Variants in COL26A1 observed in about 807,000 individuals in gnomAD.
COL26A1 encodes the protein collagen alpha-1(XXVI) chain.
In COL26A1, 41 loss-of-function variants were observed where a neutral mutation model predicts 59.3. That is an observed-to-expected ratio of 0.69 (90% CI 0.54 to 0.90). The LOEUF is 0.90. Among genes scored for constraint, COL26A1 ranks in the 40% least tolerant of loss-of-function variants. The pLI is 0.00. For missense variants in COL26A1, 612 were observed against 602.3 expected (o/e 1.02, Z -0.17); for synonymous variants, 266 against 256.0 (o/e 1.04, Z -0.37).
At chr7:101,539,284 GTGTGTGTGTA>G (rs1482680731) in intron 4 of COL26A1, among the ~76,000 whole-genome samples, 3 of 137,804 alleles carry the variant, frequency 2.2e-5, no homozygotes, top group Non-Finnish European at 4.6e-5. Flanking sequence ...CTGTCTGTGT[GTGTGTGTGTA>G]TGTGTGTGTG....
chr7:101,534,607 A>G (rs956774254), intron 4 of COL26A1, among the ~76,000 whole-genome samples: 8 of 150,336 alleles, frequency 5.3e-5, no homozygotes, highest in African/African-American at 7.6e-5. Context: ...ACTCAGGCAT[A>G]CATACACACA....
chr7:101,380,133 A>G (rs181965619), intron 1 of COL26A1, among the ~76,000 whole-genome samples: 124 of 152,094 alleles, frequency 8.2e-4, no homozygotes, highest in Non-Finnish European at 1.5e-3. Flanking sequence ...CTGGCACTAC[A>G]GGTGCCTGCC....
Position 101,412,435 on chromosome 7 carries a change from A to C in COL26A1, c.159-7542A>C, listed in dbSNP as rs143368276. On this transcript the variant is annotated intron_variant, in intron 1 of 12. Transcript: ENST00000313669. ...CCAGGCGGGCAGATCATTTGAGGTC[A>C]GGAGTTTGACACCAGCCTGATTAAT... Among the ~76,000 whole-genome samples, 667 of 152,206 alleles carry C rather than the reference A, an allele frequency of 4.4e-3. 3 individuals are homozygous for C. The highest frequency in any genetic ancestry group is 0.024 in the Middle Eastern group (7 of 294).
intron 2 of COL26A1, among the ~76,000 whole-genome samples, chr7:101,432,991 T>G (rs1264320810): frequency 2.0e-5 from 3 of 152,078 alleles, no homozygotes; most frequent in African/African-American, 7.2e-5. Context: ...CGTAAGCCAC[T>G]GTATCTGGTG....
intron 3 of COL26A1, among the ~76,000 whole-genome samples, chr7:101,498,462 G>A (rs1024019002): frequency 1.1e-4 from 17 of 152,282 alleles, no homozygotes; most frequent in Non-Finnish European, 1.5e-4. Flanking sequence ...TGCACAGCCC[G>A]CAGAGTGTGG....
intron 4 of COL26A1, among the ~76,000 whole-genome samples, chr7:101,537,079 A>G (rs977359771): frequency 6.6e-6 from 1 of 152,210 alleles, no homozygotes; most frequent in Admixed American, 6.5e-5. Flanking sequence ...TTCCTGGGTC[A>G]CATGTACAGA....
At chr7:101,458,705 G>A (rs1793537317) in intron 3 of COL26A1, among the ~76,000 whole-genome samples, 1 of 151,834 alleles carries the variant, frequency 6.6e-6, no homozygotes. Context: ...AGTTTGTTGT[G>A]TTTCCATTTT....
At chr7:101,517,693 G>T (rs1319283740) in intron 3 of COL26A1, among the ~76,000 whole-genome samples, 1 of 151,658 alleles carries the variant, frequency 6.6e-6, no homozygotes, top group Non-Finnish European at 1.5e-5. Flanking sequence ...ACCATCTCTT[G>T]CCCATCTTGA....
chr7:101,421,142 A>G (rs1371006415), intron 2 of COL26A1, among the ~76,000 whole-genome samples: 1 of 152,168 alleles, frequency 6.6e-6, no homozygotes, highest in Non-Finnish European at 1.5e-5. Context: ...AGAGATTGAA[A>G]TGGTAAGGAA....
At chr7:101,516,824 G>A (rs1203108546) in intron 3 of COL26A1, among the ~76,000 whole-genome samples, 3 of 152,176 alleles carry the variant, frequency 2.0e-5, no homozygotes, top group South Asian at 2.1e-4. Flanking sequence ...CACAGAGGCC[G>A]TCATGTTGTT....
intron 3 of COL26A1, among the ~76,000 whole-genome samples, chr7:101,491,853 A>G (rs1794467774): frequency 6.6e-6 from 1 of 152,162 alleles, no homozygotes; most frequent in East Asian, 1.9e-4. Flanking sequence ...TGCTTTAACC[A>G]TCTGGGAATG....
intron 4 of COL26A1, among the ~76,000 whole-genome samples, chr7:101,539,298 G>C (rs867466011): frequency 1.3e-5 from 2 of 148,296 alleles, no homozygotes; most frequent in Admixed American, 6.7e-5. Flanking sequence ...GTGTGTATGT[G>C]TGTGTGTGTG....
intron 1 of COL26A1, among the ~76,000 whole-genome samples, chr7:101,368,909 G>GAGTGAGTTTTTT (rs1249237632): frequency 6.6e-6 from 1 of 151,076 alleles, no homozygotes. Context: ...TCAAAATCTG[G>GAGTGAGTTTTTT]CTCTTTCCAA....
rs1240663966 is a variant in COL26A1, at chr7:101,540,044, C to T, written c.599C>T (p.Pro200Leu). 12 of 1,611,836 alleles carry T rather than the reference C, an allele frequency of 7.4e-6. No individual in the cohort carries two copies. Among genetic ancestry groups the T allele is most frequent in the South Asian group, 1.1e-5 (1 of 90,906 alleles). The change falls in exon 5 of 13, where the codon CCA (proline) becomes CTA (leucine). Residue 200 changes from proline (P) to leucine (L), a missense_variant. Physicochemically the swap from Pro to Leu is moderately conservative, Grantham distance 98 (BLOSUM62 -3). Transcript: ENST00000313669. ...PVPRQRRPTGPAGPPGQTGPP... is the reference protein window; with the variant it reads ...PVPRQRRPTGLAGPPGQTGPP... ...CCACGACAGAGAAGGCCCACGGGCC[C>T]AGCCGGTGAGTGAGGGCTGCAGAGA...
intron 11 of COL26A1, among the ~76,000 whole-genome samples, chr7:101,554,706 T>A (rs938654205): frequency 2.6e-5 from 4 of 152,064 alleles, no homozygotes; most frequent in African/African-American, 9.6e-5. Flanking sequence ...ATCGTGCCAC[T>A]GTACTCCAGT....
At chr7:101,376,186 C>T (rs1363105171) in intron 1 of COL26A1, among the ~76,000 whole-genome samples, 1 of 148,024 alleles carries the variant, frequency 6.8e-6, no homozygotes, top group African/African-American at 2.5e-5. Flanking sequence ...GTGTTGAATG[C>T]TTATAGTCCC....
At chr7:101,435,872 C>A (rs1792902429) in intron 2 of COL26A1, among the ~76,000 whole-genome samples, 1 of 152,336 alleles carries the variant, frequency 6.6e-6, no homozygotes, top group East Asian at 1.9e-4. Context: ...TCATCTGCCT[C>A]CTTCATTCCC....
At chr7:101,458,147 C>T (rs561276718) in intron 3 of COL26A1, among the ~76,000 whole-genome samples, 12 of 152,084 alleles carry the variant, frequency 7.9e-5, no homozygotes, top group African/African-American at 2.4e-4. Flanking sequence ...CTGCCTGGCT[C>T]GGCCTTCTGA....
At chr7:101,371,368 A>G (rs1237134977) in intron 1 of COL26A1, among the ~76,000 whole-genome samples, 2 of 152,090 alleles carry the variant, frequency 1.3e-5, no homozygotes, top group Non-Finnish European at 2.9e-5. Context: ...GGCAACTGTG[A>G]TTAGCTATGG....
Sources: gnomAD v4.1 joint callset for allele counts (sites outside exome capture counted in the v4.1 genomes callset) on GRCh38, gnomAD v4.1.1 for gene constraint, MANE v1.5 for transcripts, NCBI Gene and HGNC (gene_info 2026-07-23, HGNC 2026-07-21) for gene names.